TRAPPC5: variants seen among roughly 807,000 people sequenced by gnomAD.
The protein encoded by TRAPPC5 is trafficking protein particle complex subunit 5.
A neutral mutation model predicts 9.8 loss-of-function variants in TRAPPC5; 5 were observed. The observed-to-expected ratio is 0.51, with a 90% CI of 0.27 to 1.07. The LOEUF is 1.07. Among genes scored for constraint, TRAPPC5 ranks in the 50% least tolerant of loss-of-function variants. The probability of loss-of-function intolerance (pLI) is 0.12; values close to 1 mark genes in which losing one functional copy is unlikely to be tolerated. For synonymous variants in TRAPPC5, 146 were observed against 140.7 expected (o/e 1.04, Z -0.26); for missense variants, 243 against 291.5 (o/e 0.83, Z 1.21).
In TRAPPC5 at chr19:7,681,680, C is replaced by T. The variant is rs1162392717; in HGVS notation, c.-12-562C>T. ...GGCTTTTGGTCTTGACACGCTCCTA[C>T]CCCACTCCCACCCTCCACCCCCTTT... On this transcript the variant is annotated intron_variant, in intron 1 of 1. Transcript: ENST00000596148. This position sits in a 1 kb window ranked among gnomAD's most constrained non-coding sequence, Gnocchi z 8.7. Among the ~76,000 whole-genome samples the T allele has an allele frequency of 2.0e-5, 3 of 151,956 alleles. No individual in the cohort carries two copies. The highest frequency in any genetic ancestry group is 6.6e-5 in the Admixed American group (1 of 15,262).
In TRAPPC5 at chr19:7,682,184, C is replaced by T. The variant is rs1285353291; in HGVS notation, c.-12-58C>T. 84 of 1,339,596 alleles carry T rather than the reference C, an allele frequency of 6.3e-5. No individual in the cohort carries two copies. In the South Asian group the frequency reaches 1.3e-3, roughly 21 times the overall value. 83.0% of individuals were successfully genotyped at this position (1,339,596 alleles called of 1,614,324 possible). ...CCCTCGCGGTTCTCCCTCCTTTCCT[C>T]CCGGCCTGCTCCCCTTCCCATTGCC... On this transcript the variant is annotated intron_variant, in intron 1 of 1. Transcript: ENST00000596148. The surrounding 1 kb of genome is among the most constrained non-coding windows in gnomAD (Gnocchi z 8.6).
At position 7,687,125 on chromosome 19, in the gene TRAPPC5, G is replaced by A. The variant is rs73506515; in HGVS notation, c.*4305G>A. 0.067 allele frequency: 10,168 copies of A among 152,670 alleles called. 378 individuals are homozygous for A. The highest frequency in any genetic ancestry group is 0.082 in the Non-Finnish European group (5,607 of 68,272). 9.5% of individuals were successfully genotyped at this position (152,670 alleles called of 1,614,324 possible). ...GGAGGAAACTTCTGGAAAGGGGGCA[G>A]TGAAGAGAGAGCCCCGGGCGGAGGT... is the stretch of plus-strand genomic sequence containing the variant. On this transcript the variant is annotated 3_prime_UTR_variant, in exon 2 of 2. Coordinates refer to ENST00000596148, the MANE Select transcript of TRAPPC5 (RefSeq NM_001042462.2).
rs2032643298 is a variant in TRAPPC5 at position 7,681,915 on chromosome 19, T to C, written c.-12-327T>C. ...AGCGGGCAGGAAGGCGCTTTCGCAA[T>C]TGAACCGTCTGCATGCCCGAGGGTT... On this transcript the variant is annotated intron_variant, in intron 1 of 1. Transcript: ENST00000596148. The surrounding 1 kb of genome is among the most constrained non-coding windows in gnomAD (Gnocchi z 8.7). 6.6e-6 allele frequency among the ~76,000 whole-genome samples: 1 copy of C among 152,068 alleles called. No individual in the cohort carries two copies. Among genetic ancestry groups the C allele is most frequent in the Non-Finnish European group, 1.5e-5 (1 of 68,000 alleles).
At position 7,683,372 on chromosome 19, in the gene TRAPPC5, A is replaced by T. The variant is rs1345879125; in HGVS notation, c.*552A>T. On this transcript the variant is annotated 3_prime_UTR_variant, in exon 2 of 2. Coordinates refer to ENST00000596148, the MANE Select transcript of TRAPPC5 (RefSeq NM_001042462.2). ...GTAGCTGGGATTACAGGTGCCTCCC[A>T]CCACACCCGGCTAATTTTTGTATTT... 1 of 152,706 alleles carries T rather than the reference A, an allele frequency of 6.5e-6. No homozygotes were observed. The highest frequency in any genetic ancestry group is 1.5e-5 in the Non-Finnish European group (1 of 68,562). 9.5% of individuals were successfully genotyped at this position (152,706 alleles called of 1,614,324 possible).
chr19:7,682,405 A>G lies in TRAPPC5; in HGVS notation c.152A>G (p.Gln51Arg). The G allele has an allele frequency of 1.3e-6, 2 of 1,584,136 alleles. No individual in the cohort carries two copies. Among genetic ancestry groups the G allele is most frequent in the South Asian group, 2.3e-5 (2 of 87,994 alleles). The change falls in exon 2 of 2, where the codon CAG becomes CGG. Residue 51 changes from glutamine (Q) to arginine (R), a missense_variant. This residue lies in a region of TRAPPC5 where 154 missense variants were observed against 215.8 expected (regional missense o/e 0.71). Transcript: ENST00000596148. The surrounding 1 kb of genome is among the most constrained non-coding windows in gnomAD (Gnocchi z 8.6). ...CGCGTCTTCTCCGTGGCCGAGCTGC[A>G]GTCGCGCCTGGCCGCGCTGGGCCGC... The part of the protein sequence containing the change: ...QSRVFSVAEL[Q>R]SRLAALGRQV...
In TRAPPC5 at chr19:7,685,970, A is replaced by G. The variant is rs1018542736; in HGVS notation, c.*3150A>G. 2 of 152,472 alleles carry G rather than the reference A, an allele frequency of 1.3e-5. No homozygotes were observed. The highest frequency in any genetic ancestry group is 2.9e-5 in the Non-Finnish European group (2 of 68,278). 9.4% of individuals were successfully genotyped at this position (152,472 alleles called of 1,614,324 possible). On this transcript the variant is annotated 3_prime_UTR_variant, in exon 2 of 2. Transcript: ENST00000596148. ...TGTCTGAGAAGCTGGATTTCAGAGC[A>G]AAATGCAGGACGCTTTGGGCTAAGC...
rs1599424779 is a variant in TRAPPC5, at chr19:7,681,684, A to C, written c.-12-558A>C. 2.9e-5 allele frequency among the ~76,000 whole-genome samples: 4 copies of C among 137,650 alleles called. No homozygotes were observed. Among genetic ancestry groups the C allele is most frequent in the East Asian group, 2.1e-4 (1 of 4,744 alleles). 90.3% of individuals were successfully genotyped at this position (137,650 alleles called of 152,430 possible). Reference sequence around the variant, plus strand: ...TTTGGTCTTGACACGCTCCTACCCCACTCCCACCCTCCACCCCCTTTACTC... The same window carrying C: ...TTTGGTCTTGACACGCTCCTACCCCCCTCCCACCCTCCACCCCCTTTACTC... On this transcript the variant is annotated intron_variant, in intron 1 of 1. Coordinates refer to ENST00000596148, the MANE Select transcript of TRAPPC5 (RefSeq NM_001042462.2). This position sits in a 1 kb window ranked among gnomAD's most constrained non-coding sequence, Gnocchi z 8.7.
rs2032707442 is a variant in TRAPPC5, at chr19:7,685,584, G to A, written c.*2764G>A. On this transcript the variant is annotated 3_prime_UTR_variant, in exon 2 of 2. Transcript: ENST00000596148. Reference sequence around the variant, plus strand: ...TCTGTTGGACTGCCTGGTGGACCAGGGCTGAGGGCTTGGTCAGGGCAGTCT... The same window carrying A: ...TCTGTTGGACTGCCTGGTGGACCAGAGCTGAGGGCTTGGTCAGGGCAGTCT... The A allele has an allele frequency of 6.6e-6, 1 of 152,320 alleles. No homozygotes were observed. The highest frequency in any genetic ancestry group is 2.4e-5 in the African/African-American group (1 of 41,434). The allele number at this position is 152,320 out of a possible 1,614,324, so 9.4% of individuals were successfully genotyped here.
In TRAPPC5 at chr19:7,683,044, GA is replaced by G; in HGVS notation, c.*225del. 1.8e-6 allele frequency: 1 copy of G among 567,614 alleles called. No homozygotes were observed. Among genetic ancestry groups the G allele is most frequent in the South Asian group, 2.3e-5 (1 of 43,848 alleles). 35.2% of individuals were successfully genotyped at this position (567,614 alleles called of 1,614,324 possible). ...TGGGGAGAAATAAACCCGGCAAAAG[GA>G]GTTGGTGGGAAATGCTGGCAGGTTC... On this transcript the variant is annotated 3_prime_UTR_variant, in exon 2 of 2. Coordinates refer to ENST00000596148, the MANE Select transcript of TRAPPC5 (RefSeq NM_001042462.2).
In TRAPPC5 at chr19:7,684,444, G is replaced by C. The variant is rs1486077270; in HGVS notation, c.*1624G>C. 1.3e-5 allele frequency: 2 copies of C among 152,346 alleles called. No individual in the cohort carries two copies. Among genetic ancestry groups the C allele is most frequent in the Non-Finnish European group, 2.9e-5 (2 of 68,158 alleles). 9.4% of individuals were successfully genotyped at this position (152,346 alleles called of 1,614,324 possible). A position where few individuals can be genotyped will look rare whatever the true frequency, so the allele number is the denominator to read the frequency against. On this transcript the variant is annotated 3_prime_UTR_variant, in exon 2 of 2. Transcript: ENST00000596148. Reference sequence around the variant, plus strand: ...TGCCTGTAATCCCAGCTACTTGGGAGGCTGAGGCAGGAGAATCGCTCCAAC... The same window carrying C: ...TGCCTGTAATCCCAGCTACTTGGGACGCTGAGGCAGGAGAATCGCTCCAAC...
In TRAPPC5 at chr19:7,682,172, C is replaced by G. The variant is rs1599425107; in HGVS notation, c.-12-70C>G. 7.7e-7 allele frequency: 1 copy of G among 1,299,368 alleles called. No individual in the cohort carries two copies. The allele number at this position is 1,299,368 out of a possible 1,614,324, so 80.5% of individuals were successfully genotyped here. A position where few individuals can be genotyped will look rare whatever the true frequency, so the allele number is the denominator to read the frequency against. The stretch of plus-strand genomic sequence containing the variant: ...GTGTCCCAGGGCCCCTCGCGGTTCT[C>G]CCTCCTTTCCTCCCGGCCTGCTCCC... On this transcript the variant is annotated intron_variant, in intron 1 of 1. Coordinates refer to ENST00000596148, the MANE Select transcript of TRAPPC5 (RefSeq NM_001042462.2). This position sits in a 1 kb window ranked among gnomAD's most constrained non-coding sequence, Gnocchi z 8.6.
rs756190924 is a variant in TRAPPC5 at position 7,682,515 on chromosome 19, T to C, written c.262T>C (p.Phe88Leu). Residue 88 changes from phenylalanine (F) to leucine (L), a missense_variant, in exon 2 of 2, where the codon TTC (phenylalanine) becomes CTC (leucine). Physicochemically the swap from Phe to Leu is conservative, Grantham distance 22 (BLOSUM62 0). Coordinates refer to ENST00000596148, the MANE Select transcript of TRAPPC5 (RefSeq NM_001042462.2). The surrounding 1 kb of genome is among the most constrained non-coding windows in gnomAD (Gnocchi z 8.6). Reference sequence around the variant, plus strand: ...GACCAAGGTGCTAGGCGCGTTGCTCTTCGTCAAGGGCGCCGTGTGGAAGGC... The same window carrying C: ...GACCAAGGTGCTAGGCGCGTTGCTCCTCGTCAAGGGCGCCGTGTGGAAGGC... ...RETKVLGALLFVKGAVWKALF... is the reference protein window; with the variant it reads ...RETKVLGALLLVKGAVWKALF... The C allele has an allele frequency of 1.2e-6, 2 of 1,613,138 alleles. No individual in the cohort carries two copies. Among genetic ancestry groups the C allele is most frequent in the Admixed American group, 1.7e-5 (1 of 60,016 alleles).
At position 7,681,777 on chromosome 19, in the gene TRAPPC5, A is replaced by T. The variant is rs1056094299; in HGVS notation, c.-12-465A>T. 6.6e-6 allele frequency among the ~76,000 whole-genome samples: 1 copy of T among 151,936 alleles called. No homozygotes were observed. Among genetic ancestry groups the T allele is most frequent in the South Asian group, 2.1e-4 (1 of 4,794 alleles). Reference sequence around the variant, plus strand: ...TCTGTGCTGGAGCGCAGGGCGGGGCAGGAGCGACTGCCCATATCCCCTCGT... The same window carrying T: ...TCTGTGCTGGAGCGCAGGGCGGGGCTGGAGCGACTGCCCATATCCCCTCGT... On this transcript the variant is annotated intron_variant, in intron 1 of 1. Transcript: ENST00000596148. This position sits in a 1 kb window ranked among gnomAD's most constrained non-coding sequence, Gnocchi z 8.7.
Position 7,682,160 on chromosome 19 carries a change from C to G in TRAPPC5, c.-12-82C>G. On this transcript the variant is annotated intron_variant, in intron 1 of 1. Coordinates refer to ENST00000596148, the MANE Select transcript of TRAPPC5 (RefSeq NM_001042462.2). This position sits in a 1 kb window ranked among gnomAD's most constrained non-coding sequence, Gnocchi z 8.6. ...CATGGGTCGAGGGTGTCCCAGGGCC[C>G]CTCGCGGTTCTCCCTCCTTTCCTCC... 8.4e-7 allele frequency: 1 copy of G among 1,190,672 alleles called. No individual in the cohort carries two copies. The highest frequency in any genetic ancestry group is 1.1e-6 in the Non-Finnish European group (1 of 906,282). 73.8% of individuals were successfully genotyped at this position (1,190,672 alleles called of 1,614,324 possible).
At position 7,684,471 on chromosome 19, in the gene TRAPPC5, C is replaced by T. The variant is rs111330989; in HGVS notation, c.*1651C>T. 0.076 allele frequency: 11,506 copies of T among 152,310 alleles called. 615 individuals are homozygous for T. Among genetic ancestry groups the T allele is most frequent in the Non-Finnish European group, 0.12 (7,992 of 68,164 alleles). The allele number at this position is 152,310 out of a possible 1,614,324, so 9.4% of individuals were successfully genotyped here. A position where few individuals can be genotyped will look rare whatever the true frequency, so the allele number is the denominator to read the frequency against. The stretch of plus-strand genomic sequence containing the variant: ...CTGAGGCAGGAGAATCGCTCCAACC[C>T]GGGAGGTGGAGGTTGCAGTGAGCCG... On this transcript the variant is annotated 3_prime_UTR_variant, in exon 2 of 2. Transcript: ENST00000596148.
chr19:7,682,167 G>T lies in TRAPPC5; in HGVS notation c.-12-75G>T. ...CGAGGGTGTCCCAGGGCCCCTCGCG[G>T]TTCTCCCTCCTTTCCTCCCGGCCTG... On this transcript the variant is annotated intron_variant, in intron 1 of 1. Coordinates refer to ENST00000596148, the MANE Select transcript of TRAPPC5 (RefSeq NM_001042462.2). The surrounding 1 kb of genome is among the most constrained non-coding windows in gnomAD (Gnocchi z 8.6). The T allele has an allele frequency of 3.1e-6, 4 of 1,273,478 alleles. No homozygotes were observed. The highest frequency in any genetic ancestry group is 3.2e-5 in the African/African-American group (2 of 63,334). The allele number at this position is 1,273,478 out of a possible 1,614,324, so 78.9% of individuals were successfully genotyped here. A position where few individuals can be genotyped will look rare whatever the true frequency, so the allele number is the denominator to read the frequency against.
At position 7,680,894 on chromosome 19, in the gene TRAPPC5, C is replaced by T. The variant is rs983084685; in HGVS notation, c.-13+16C>T. On this transcript the variant is annotated intron_variant, in intron 1 of 1. Transcript: ENST00000596148. ...GCGGTTCCTGGTGAGACCCTACCCA[C>T]CCCCCTGCCCGCGCCGGGCCTCGTC... is the stretch of plus-strand genomic sequence containing the variant. 6.6e-6 allele frequency: 1 copy of T among 152,162 alleles called. No individual in the cohort carries two copies. The highest frequency in any genetic ancestry group is 2.1e-4 in the South Asian group (1 of 4,838). The allele number at this position is 152,162 out of a possible 1,614,324, so 9.4% of individuals were successfully genotyped here. A position where few individuals can be genotyped will look rare whatever the true frequency, so the allele number is the denominator to read the frequency against.
In TRAPPC5 at chr19:7,681,640, G is replaced by A. The variant is rs2032637851; in HGVS notation, c.-12-602G>A. On this transcript the variant is annotated intron_variant, in intron 1 of 1. Coordinates refer to ENST00000596148, the MANE Select transcript of TRAPPC5 (RefSeq NM_001042462.2). The surrounding 1 kb of genome is among the most constrained non-coding windows in gnomAD (Gnocchi z 8.7). ...GGCCCCACGGATCCCCCCTGTTAAA[G>A]CCCCCAACCCTCCTGGCTTTTGGTC... Among the ~76,000 whole-genome samples, 2 of 151,546 alleles carry A rather than the reference G, an allele frequency of 1.3e-5. No homozygotes were observed. Among genetic ancestry groups the A allele is most frequent in the South Asian group, 4.2e-4 (2 of 4,804 alleles).
chr19:7,681,944 T>C lies in TRAPPC5; in HGVS notation c.-12-298T>C, dbSNP rs565241475. 6.6e-6 allele frequency among the ~76,000 whole-genome samples: 1 copy of C among 151,956 alleles called. No homozygotes were observed. The highest frequency in any genetic ancestry group is 2.4e-5 in the African/African-American group (1 of 41,452). On this transcript the variant is annotated intron_variant, in intron 1 of 1. Coordinates refer to ENST00000596148, the MANE Select transcript of TRAPPC5 (RefSeq NM_001042462.2). The surrounding 1 kb of genome is among the most constrained non-coding windows in gnomAD (Gnocchi z 8.7). ...ACCGTCTGCATGCCCGAGGGTTGGG[T>C]GGTTTCGGCCTCCTCTTCTGTTCCC...
Sources: gnomAD v4.1 joint callset for allele counts (sites outside exome capture counted in the v4.1 genomes callset) on GRCh38, gnomAD v4.1.1 for gene constraint, gnomAD v4.1.1 regional missense constraint, Gnocchi (gnomAD v3.1) non-coding constraint, MANE v1.5 for transcripts, NCBI Gene and HGNC (gene_info 2026-07-23, HGNC 2026-07-21) for gene names.